Variants in DLGAP1 observed in about 807,000 individuals in gnomAD.
DLGAP1 encodes DLG associated protein 1, also known as disks large-associated protein 1.
In DLGAP1, 11 loss-of-function variants were observed where a neutral mutation model predicts 90.8. The observed-to-expected ratio is 0.12, with a 90% CI of 0.08 to 0.20. The LOEUF (loss-of-function observed/expected upper bound fraction) is 0.20, where lower values mean the gene tolerates loss of function less well. Among genes scored for constraint, DLGAP1 ranks in the 10% least tolerant of loss-of-function variants. The pLI, the probability that DLGAP1 is intolerant of heterozygous loss-of-function variation, is 1.00. For missense variants in DLGAP1, 1,050 were observed against 1,333.8 expected (o/e 0.79, Z 3.31); for synonymous variants, 558 against 540.7 (o/e 1.03, Z -0.44).
intron 1 of DLGAP1, among the ~76,000 whole-genome samples, chr18:4,198,085 G>T (rs1007584993): frequency 1.3e-5 from 2 of 152,164 alleles, no homozygotes; most frequent in East Asian, 3.9e-4. Context: ...CAGCCGGGGC[G>T]TGGTGGTGGG....
At chr18:4,226,438 AG>A (rs1359082969) in intron 1 of DLGAP1, among the ~76,000 whole-genome samples, 2 of 152,118 alleles carry the variant, frequency 1.3e-5, no homozygotes, top group African/African-American at 4.8e-5. Flanking sequence ...TCATATCTTG[AG>A]TAGAAAGATT....
At chr18:4,131,848 A>G (rs1030319752) in intron 2 of DLGAP1, among the ~76,000 whole-genome samples, 2 of 152,214 alleles carry the variant, frequency 1.3e-5, no homozygotes, top group African/African-American at 4.8e-5. Flanking sequence ...GAACATTGTC[A>G]AAGATCTTAT....
intron 5 of DLGAP1, among the ~76,000 whole-genome samples, chr18:3,765,676 T>C (rs927852033): frequency 1.3e-5 from 2 of 151,388 alleles, no homozygotes; most frequent in Admixed American, 6.6e-5. Context: ...CTATTAAAAA[T>C]ACAAAAAATT....
chr18:3,549,535 G>A (rs1468590246), intron 9 of DLGAP1, among the ~76,000 whole-genome samples: 1 of 152,110 alleles, frequency 6.6e-6, no homozygotes, highest in Non-Finnish European at 1.5e-5. Flanking sequence ...GTTTCAGCGT[G>A]TTGGTCAGGC....
intron 2 of DLGAP1, among the ~76,000 whole-genome samples, chr18:4,011,012 C>T (rs1443881676): frequency 1.3e-5 from 2 of 151,662 alleles, no homozygotes; most frequent in African/African-American, 4.8e-5. Flanking sequence ...CCCGTCTCTA[C>T]TAAAAATACA....
At chr18:4,414,279 A>G (rs1405807363) in intron 1 of DLGAP1, among the ~76,000 whole-genome samples, 2 of 152,248 alleles carry the variant, frequency 1.3e-5, no homozygotes, top group African/African-American at 4.8e-5. Flanking sequence ...GTGCTTTGCA[A>G]AATAAAGATG....
chr18:4,114,564 G>GT (rs1308995819), intron 2 of DLGAP1, among the ~76,000 whole-genome samples: 1 of 152,086 alleles, frequency 6.6e-6, no homozygotes, highest in Admixed American at 6.6e-5. Flanking sequence ...AAGAGAGATA[G>GT]TTTGACTTCT....
intron 1 of DLGAP1, among the ~76,000 whole-genome samples, chr18:4,391,773 T>A (rs536861118): frequency 1.3e-5 from 2 of 152,314 alleles, no homozygotes; most frequent in Non-Finnish European, 2.9e-5. Flanking sequence ...GTTCTTGGGC[T>A]AAACATTTAC....
chr18:3,922,288 T>C (rs79503817), intron 3 of DLGAP1, among the ~76,000 whole-genome samples: 1,681 of 152,270 alleles, frequency 0.011, 33 homozygotes, highest in African/African-American at 0.038. Context: ...GTTTGACAAT[T>C]ATTTTTAGGA....
chr18:4,447,337 T>C (rs2083693442), intron 1 of DLGAP1, among the ~76,000 whole-genome samples: 1 of 152,028 alleles, frequency 6.6e-6, no homozygotes, highest in Admixed American at 6.6e-5. Context: ...CAGATCTACA[T>C]GTCATCAAAA....
chr18:3,964,587 C>T (rs1162502334), intron 3 of DLGAP1, among the ~76,000 whole-genome samples: 1 of 151,886 alleles, frequency 6.6e-6, no homozygotes, highest in African/African-American at 2.4e-5. Flanking sequence ...GATGAAATCC[C>T]CAGGAGCACC....
chr18:3,630,581 A>AT (rs1288344302), intron 7 of DLGAP1, among the ~76,000 whole-genome samples: 7 of 151,940 alleles, frequency 4.6e-5, no homozygotes, highest in Admixed American at 3.9e-4. Flanking sequence ...ATTTTATTTT[A>AT]TTTTTTTTCC....
chr18:3,877,155 T>G (rs1470829884), intron 4 of DLGAP1, among the ~76,000 whole-genome samples: 3 of 152,170 alleles, frequency 2.0e-5, no homozygotes, highest in Non-Finnish European at 4.4e-5. Flanking sequence ...AAAGATTAAA[T>G]GAAATAAGAA....
At chr18:3,878,080 A>G (rs1025635507) in intron 4 of DLGAP1, 1 of 152,210 alleles carries the variant, frequency 6.6e-6, no homozygotes, top group African/African-American at 2.4e-5. Flanking sequence ...GAACTCCTCA[A>G]AGGAAGAATT....
chr18:3,717,428 G>T (rs1458332546), intron 7 of DLGAP1, among the ~76,000 whole-genome samples: 1 of 152,184 alleles, frequency 6.6e-6, no homozygotes, highest in Non-Finnish European at 1.5e-5. Context: ...CGAAGTGGAT[G>T]AACAGCCTGA....
intron 1 of DLGAP1, among the ~76,000 whole-genome samples, chr18:4,162,057 G>A (rs2076855306): frequency 6.6e-6 from 1 of 152,126 alleles, no homozygotes. Flanking sequence ...ATACTGAGTG[G>A]TTACCTGTGC....
chr18:3,502,292 T>C, intron 12 of DLGAP1: 5 of 1,331,828 alleles, frequency 3.8e-6, no homozygotes, highest in Non-Finnish European at 4.8e-6. Flanking sequence ...AGACAGGTTT[T>C]TCTTTAAAAA....
At chr18:3,865,844 G>A (rs2148766018) in intron 4 of DLGAP1, among the ~76,000 whole-genome samples, 1 of 152,304 alleles carries the variant, frequency 6.6e-6, no homozygotes, top group East Asian at 1.9e-4. Context: ...CAAGTCCATA[G>A]AACCTTCTTA....
chr18:3,934,270 G>T (rs1312195853), intron 3 of DLGAP1, among the ~76,000 whole-genome samples: 5 of 152,196 alleles, frequency 3.3e-5, no homozygotes, highest in East Asian at 1.9e-4. Flanking sequence ...GTTCTGAAAA[G>T]AATGCTTTCA....
Sources: allele counts gnomAD v4.1 joint callset (sites outside exome capture counted in the v4.1 genomes callset), GRCh38; gene constraint gnomAD v4.1.1; transcripts MANE v1.5; gene names NCBI Gene and HGNC (gene_info 2026-07-23, HGNC 2026-07-21).